SLC9A9: variants seen among roughly 807,000 people sequenced by gnomAD.
SLC9A9 encodes solute carrier family 9 member A9, also known as sodium/hydrogen exchanger 9.
Under a neutral mutation model 77.8 loss-of-function variants are expected in SLC9A9, and 62 were observed. The ratio of observed to expected loss-of-function variants is 0.80; its 90% CI spans 0.65 to 0.98. The LOEUF (loss-of-function observed/expected upper bound fraction) is 0.98. Among genes scored for constraint, SLC9A9 ranks in the 50% least tolerant of loss-of-function variants. The pLI is 0.00. For synonymous variants in SLC9A9, 320 were observed against 283.5 expected, an observed-to-expected ratio of 1.13 and a Z score of -1.29; for missense variants, 775 against 774.9, an observed-to-expected ratio of 1.00 and a Z score of 0.00.
At chr3:143,823,637 T>A (rs566856583) in intron 2 of SLC9A9, among the ~76,000 whole-genome samples, 1 of 151,518 alleles carries the variant, frequency 6.6e-6, no homozygotes, top group East Asian at 1.9e-4. Context: ...ATACCTACTA[T>A]GTACCCACAA....
chr3:143,381,133 C>T (rs1285399644), intron 13 of SLC9A9, among the ~76,000 whole-genome samples: 1 of 152,182 alleles, frequency 6.6e-6, no homozygotes, highest in Non-Finnish European at 1.5e-5. Context: ...GGTTCAAATT[C>T]AGTTTGGAGA....
intron 5 of SLC9A9, among the ~76,000 whole-genome samples, chr3:143,678,365 A>T (rs1311503476): frequency 6.6e-6 from 1 of 152,158 alleles, no homozygotes; most frequent in Non-Finnish European, 1.5e-5. Flanking sequence ...TGTTAAGAAG[A>T]GTCTCTATAT....
chr3:143,421,813 T>C (rs531623892), intron 12 of SLC9A9, among the ~76,000 whole-genome samples: 3 of 152,166 alleles, frequency 2.0e-5, no homozygotes, highest in Non-Finnish European at 4.4e-5. Context: ...ACCCACAGAA[T>C]AGGAGAAAAT....
intron 6 of SLC9A9, among the ~76,000 whole-genome samples, chr3:143,649,734 C>T (rs1169009718): frequency 1.3e-5 from 2 of 152,236 alleles, no homozygotes; most frequent in Non-Finnish European, 2.9e-5. Flanking sequence ...AAGTATGTGG[C>T]TATTTCAGAG....
At chr3:143,503,272 G>T (rs1033855949) in intron 9 of SLC9A9, 7 of 251,666 alleles carry the variant, frequency 2.8e-5, no homozygotes, top group Admixed American at 5.0e-5. Context: ...TGGGGCTGGT[G>T]GTCTAGGAGG....
intron 1 of SLC9A9, 163 bp downstream of exon 1, chr3:143,847,985 T>G: frequency 1.3e-6 from 1 of 761,724 alleles, no homozygotes; most frequent in Non-Finnish European, 2.2e-6. Flanking sequence ...GCGGCTTGTC[T>G]GTAAAGAGAT....
chr3:143,699,933 C>T lies in SLC9A9; in HGVS notation c.534-6626G>A, dbSNP rs549072357. Among the ~76,000 whole-genome samples, 4 of 151,906 alleles carry T rather than the reference C, an allele frequency of 2.6e-5. No homozygotes were observed. In the South Asian group the frequency reaches 8.3e-4, roughly 32 times the overall value. On this transcript the variant is annotated intron_variant, in intron 4 of 15. Coordinates refer to ENST00000316549, the MANE Select transcript of SLC9A9 (RefSeq NM_173653.4). ...TGGATCCAAAAGAGATCCCTTCCTTCTGCTTGAGGAGAGGAGAGAGAAGAG... is the reference window on the plus strand; with the variant it reads ...TGGATCCAAAAGAGATCCCTTCCTTTTGCTTGAGGAGAGGAGAGAGAAGAG...
chr3:143,411,786 G>GT (rs978109707), intron 12 of SLC9A9, among the ~76,000 whole-genome samples: 4 of 151,958 alleles, frequency 2.6e-5, no homozygotes, highest in Non-Finnish European at 1.5e-5. Context: ...ATTTTTAATT[G>GT]TTTTTTTCAT....
chr3:143,695,029 GC>G (rs1933589240), intron 4 of SLC9A9, among the ~76,000 whole-genome samples: 2 of 152,090 alleles, frequency 1.3e-5, no homozygotes, highest in Admixed American at 1.3e-4. Context: ...CAGCATGGGA[GC>G]TGGGAAAAGG....
intron 2 of SLC9A9, among the ~76,000 whole-genome samples, chr3:143,822,249 A>G (rs1187135233): frequency 1.3e-5 from 2 of 152,124 alleles, no homozygotes; most frequent in Non-Finnish European, 2.9e-5. Context: ...GAAAGGTGTC[A>G]ATCTCAAGGG....
At chr3:143,550,657 C>T (rs1044677504) in intron 9 of SLC9A9, among the ~76,000 whole-genome samples, 2 of 152,158 alleles carry the variant, frequency 1.3e-5, no homozygotes, top group African/African-American at 4.8e-5. Flanking sequence ...TATACATAAG[C>T]TCAGCTGGTA....
intron 14 of SLC9A9, among the ~76,000 whole-genome samples, chr3:143,363,051 AAC>A (rs1173228954): frequency 2.0e-5 from 3 of 152,178 alleles, no homozygotes; most frequent in Non-Finnish European, 2.9e-5. Flanking sequence ...ATGAAACAAA[AAC>A]ACACAAATGG....
At chr3:143,560,908 C>G (rs1205178629) in intron 8 of SLC9A9, among the ~76,000 whole-genome samples, 5 of 152,180 alleles carry the variant, frequency 3.3e-5, no homozygotes, top group Admixed American at 1.3e-4. Context: ...AGGCCAAACG[C>G]GGTGGCTCAC....
intron 6 of SLC9A9, among the ~76,000 whole-genome samples, chr3:143,599,485 A>G (rs2037810186): frequency 6.6e-6 from 1 of 152,144 alleles, no homozygotes; most frequent in African/African-American, 2.4e-5. Flanking sequence ...TATTAATTGT[A>G]GTTGAGATGT....
chr3:143,735,546 G>C (rs1157974509), intron 4 of SLC9A9, among the ~76,000 whole-genome samples: 1 of 152,194 alleles, frequency 6.6e-6, no homozygotes. Context: ...GCATACACGA[G>C]TTCAGGAACT....
intron 8 of SLC9A9, among the ~76,000 whole-genome samples, chr3:143,566,538 C>T (rs1156499986): frequency 6.6e-6 from 1 of 152,060 alleles, no homozygotes; most frequent in East Asian, 1.9e-4. Context: ...ACTTAATAAT[C>T]AGGACTTCTT....
At chr3:143,271,363 A>G (rs1937894235) in intron 14 of SLC9A9, among the ~76,000 whole-genome samples, 1 of 152,174 alleles carries the variant, frequency 6.6e-6, no homozygotes, top group Non-Finnish European at 1.5e-5. Context: ...CTGCCACTTT[A>G]CTGACCATAT....
At chr3:143,503,777 G>A (rs1559943407) in intron 9 of SLC9A9, 2 of 339,198 alleles carry the variant, frequency 5.9e-6, no homozygotes, top group African/African-American at 2.2e-5. Flanking sequence ...TGCTAAAGTT[G>A]TCATGGATGG....
chr3:143,672,026 G>C (rs912783422), intron 5 of SLC9A9, among the ~76,000 whole-genome samples: 1 of 152,130 alleles, frequency 6.6e-6, no homozygotes, highest in Non-Finnish European at 1.5e-5. Flanking sequence ...AATAATTCAG[G>C]AACACAAACT....
Sources: gnomAD v4.1 joint callset for allele counts (sites outside exome capture counted in the v4.1 genomes callset) on GRCh38, gnomAD v4.1.1 for gene constraint, MANE v1.5 for transcripts, NCBI Gene and HGNC (gene_info 2026-07-23, HGNC 2026-07-21) for gene names.